The following MEIG1 variants were observed in gnomAD, a reference collection of about 807,000 sequenced individuals.
MEIG1 encodes meiosis expressed gene 1 protein homolog.
A neutral mutation model predicts 11.3 loss-of-function variants in MEIG1; 12 were observed. That is an observed-to-expected ratio of 1.07 (90% CI 0.68 to 1.73). MEIG1 has a LOEUF of 1.73. Among genes scored for constraint, MEIG1 ranks in the 40% most tolerant of loss-of-function variants. The pLI is 0.00. For missense variants in MEIG1, 119 were observed against 104.9 expected, an observed-to-expected ratio of 1.13 and a Z score of -0.59; for synonymous variants, 41 against 33.2, an observed-to-expected ratio of 1.24 and a Z score of -0.81.
downstream of MEIG1, among the ~76,000 whole-genome samples, chr10:14,976,185 C>T (rs1843208011): frequency 2.0e-5 from 3 of 152,148 alleles, no homozygotes; most frequent in South Asian, 4.1e-4. Flanking sequence ...TACTGCCATC[C>T]TGGGTTCACA....
chr10:14,984,182 G>A (rs558804627), intron 1 of MEIG1, among the ~76,000 whole-genome samples: 45 of 151,974 alleles, frequency 3.0e-4, no homozygotes, highest in African/African-American at 1.0e-3. Context: ...GGGGAGAGGG[G>A]GGTGCTATTA....
intron 1 of MEIG1, among the ~76,000 whole-genome samples, chr10:14,980,184 A>G (rs1205599069): frequency 6.6e-6 from 1 of 152,054 alleles, no homozygotes; most frequent in Non-Finnish European, 1.5e-5. Context: ...TTTCTGTGCT[A>G]TAATTCGGAG....
intron 1 of MEIG1, among the ~76,000 whole-genome samples, chr10:14,984,020 A>G (rs1461827211): frequency 8.5e-5 from 13 of 152,104 alleles, no homozygotes; most frequent in Admixed American, 8.5e-4. Flanking sequence ...ATTGTTCTTA[A>G]TATCCAGGGG....
chr10:14,959,686 C>G (rs755914880), intron 1 of MEIG1, 129 bp downstream of exon 1: 10 of 152,266 alleles, frequency 6.6e-5, no homozygotes, highest in Non-Finnish European at 1.3e-4. Flanking sequence ...CTGAGGTTTG[C>G]CAGGGAGATC....
chr10:14,985,697 G>A (rs1843311893), intron 1 of MEIG1, among the ~76,000 whole-genome samples: 1 of 151,924 alleles, frequency 6.6e-6, no homozygotes, highest in Admixed American at 6.6e-5. Context: ...CACAGAAGGT[G>A]TACACCTTGT....
chr10:14,976,127 G>A, downstream of MEIG1, among the ~76,000 whole-genome samples: 1 of 152,148 alleles, frequency 6.6e-6, no homozygotes, highest in African/African-American at 2.4e-5. Flanking sequence ...ACCCAGGTGG[G>A]GAGAGGGGGT....
chr10:14,962,357 A>G (rs1482034085), intron 1 of MEIG1, among the ~76,000 whole-genome samples: 16 of 152,228 alleles, frequency 1.1e-4, no homozygotes, highest in Admixed American at 1.0e-3. Flanking sequence ...AGTAGTCACT[A>G]GAGTTCCTAC....
chr10:14,966,351 C>T (rs541700178), intron 1 of MEIG1, 89 bp from the exon 2 acceptor site: 44 of 873,976 alleles, frequency 5.0e-5, no homozygotes, highest in East Asian at 4.8e-4. Flanking sequence ...TGTGAGCCAC[C>T]GCACCCGGCC....
At chr10:14,977,789 C>G (rs1337446380), downstream of MEIG1, among the ~76,000 whole-genome samples, 3 of 142,570 alleles carry the variant, frequency 2.1e-5, no homozygotes, top group Admixed American at 1.4e-4. Flanking sequence ...GCTAATAACA[C>G]AGTGGGTGTA....
downstream of MEIG1, among the ~76,000 whole-genome samples, chr10:14,976,094 C>G (rs1043254279): frequency 2.6e-5 from 4 of 152,128 alleles, no homozygotes; most frequent in African/African-American, 7.2e-5. Context: ...GGGCGTCCGC[C>G]CCCTTGCGAC....
At chr10:14,973,571 C>A (rs904477248), downstream of MEIG1, among the ~76,000 whole-genome samples, 3 of 151,978 alleles carry the variant, frequency 2.0e-5, no homozygotes, top group African/African-American at 4.8e-5. Context: ...AAATCAAGAC[C>A]ATCCTGGCTA....
rs369963983 is a variant in MEIG1, at chr10:14,981,449, T to G, written n.67-5347T>G. ...TGAATGACTTGATGTCCTCCTACAG[T>G]ACAAGTCCGAGGCGAGCAGAAAGCT... On this transcript the variant is annotated intron_variant and non_coding_transcript_variant, in intron 1 of 2. Coordinates refer to the MEIG1 transcript ENST00000467536. Among the ~76,000 whole-genome samples the G allele has an allele frequency of 1.8e-4, 27 of 152,192 alleles. 1 individual carries two copies. In the South Asian group the frequency reaches 4.8e-3, roughly 27 times the overall value.
intron 1 of MEIG1, among the ~76,000 whole-genome samples, chr10:14,982,936 ATAAT>A (rs1341970292): frequency 2.0e-5 from 3 of 152,126 alleles, no homozygotes; most frequent in African/African-American, 7.2e-5. Context: ...TTAGCTCCTA[ATAAT>A]TAATGTTAAT....
chr10:14,955,440 C>G (rs1202087436), upstream of MEIG1, among the ~76,000 whole-genome samples: 2 of 152,168 alleles, frequency 1.3e-5, no homozygotes, highest in Non-Finnish European at 2.9e-5. Flanking sequence ...CTCAGTGGCT[C>G]ATGCCTGTAA....
intron 1 of MEIG1, among the ~76,000 whole-genome samples, chr10:14,960,656 G>C (rs572140262): frequency 2.6e-5 from 4 of 151,920 alleles, no homozygotes; most frequent in Non-Finnish European, 4.4e-5. Flanking sequence ...CTGACCTCGT[G>C]ATCCACCCGC....
At chr10:14,986,737 A>ATAGCTG in intron 1 of MEIG1, 2 of 314,932 alleles carry the variant, frequency 6.4e-6, no homozygotes, top group Non-Finnish European at 1.2e-5. Flanking sequence ...GGCCCTGCGA[A>ATAGCTG]TAGCTGAGAC....
intron 2 of MEIG1, among the ~76,000 whole-genome samples, chr10:14,969,270 G>A (rs1462860025): frequency 6.6e-6 from 1 of 151,164 alleles, no homozygotes; most frequent in African/African-American, 2.4e-5. Flanking sequence ...GACATAGTGA[G>A]AACCCATTTC....
intron 2 of MEIG1, chr10:14,987,172 C>G (rs1291855933): frequency 3.2e-6 from 3 of 933,398 alleles, no homozygotes; most frequent in African/African-American, 1.6e-5. Context: ...CTCTGCTATG[C>G]GACTGCATGT....
At chr10:14,963,767 C>A (rs893002692) in intron 1 of MEIG1, among the ~76,000 whole-genome samples, 1 of 152,110 alleles carries the variant, frequency 6.6e-6, no homozygotes, top group Non-Finnish European at 1.5e-5. Context: ...AGTTCAAGAC[C>A]AGCCTGAGAA....
Sources: gnomAD v4.1 joint callset for allele counts (sites outside exome capture counted in the v4.1 genomes callset) on GRCh38, gnomAD v4.1.1 for gene constraint, MANE v1.5 for transcripts, NCBI Gene and HGNC (gene_info 2026-07-23, HGNC 2026-07-21) for gene names.